The following HFM1 variants were observed in gnomAD, a reference collection of about 807,000 sequenced individuals.
The protein encoded by HFM1 is helicase for meiosis 1, also known as probable ATP-dependent DNA helicase HFM1.
In HFM1, 169 loss-of-function variants were observed where a neutral mutation model predicts 192.1. The observed-to-expected ratio is 0.88, with a 90% CI of 0.78 to 1.00. HFM1 has a LOEUF of 1.00. Among genes scored for constraint, HFM1 ranks in the 50% least tolerant of loss-of-function variants. The pLI is 0.00. For missense variants in HFM1, 1,661 were observed against 1,668.0 expected (o/e 1.00, Z 0.07); for synonymous variants, 525 against 537.8 (o/e 0.98, Z 0.33).
intron 13 of HFM1, among the ~76,000 whole-genome samples, chr1:91,371,228 T>C (rs200668297): frequency 7.0e-4 from 102 of 145,118 alleles, no homozygotes; most frequent in Middle Eastern, 3.5e-3. Flanking sequence ...CTTCACAGAA[T>C]TGGAAAAAAC....
intron 13 of HFM1, 111 bp from the exon 14 acceptor site, chr1:91,353,410 T>C: frequency 1.7e-6 from 1 of 577,304 alleles, no homozygotes; most frequent in Non-Finnish European, 3.0e-6. Flanking sequence ...CACAATATCA[T>C]TATCTGAAAA....
rs182410701 is a variant in HFM1 at position 91,332,436 on chromosome 1, T to C, written c.2336-7670A>G. 1.5e-3 allele frequency among the ~76,000 whole-genome samples: 227 copies of C among 152,244 alleles called. 1 individual carries two copies. Among genetic ancestry groups the C allele is most frequent in the African/African-American group, 4.5e-3 (186 of 41,562 alleles). The stretch of plus-strand genomic sequence containing the variant: ...TGAAACTAGACCCCCTATCTCTTGA[T>C]ATATATAAAAATCAAATCAAAATGG... On this transcript the variant is annotated intron_variant, in intron 20 of 38. Coordinates refer to ENST00000370425, the MANE Select transcript of HFM1 (RefSeq NM_001017975.6).
chr1:91,312,712 A>T (rs1009756761), intron 30 of HFM1, among the ~76,000 whole-genome samples: 1 of 152,088 alleles, frequency 6.6e-6, no homozygotes, highest in South Asian at 2.1e-4. Flanking sequence ...ACTGTTGGGA[A>T]GGTGTGATTG....
At chr1:91,282,634 G>C (rs1667562917) in intron 30 of HFM1, among the ~76,000 whole-genome samples, 1 of 152,100 alleles carries the variant, frequency 6.6e-6, no homozygotes, top group African/African-American at 2.4e-5. Flanking sequence ...GCAAATTTGA[G>C]ATTCTAATTC....
chr1:91,385,815 T>C lies in HFM1; in HGVS notation c.514A>G (p.Asn172Asp). The C allele has an allele frequency of 6.3e-7, 1 of 1,599,176 alleles. No homozygotes were observed. Among genetic ancestry groups the C allele is most frequent in the Non-Finnish European group, 8.5e-7 (1 of 1,171,694 alleles). The change falls in exon 5 of 39, where the codon AAT (asparagine) becomes GAT (aspartate). Residue 172 changes from asparagine (N) to aspartate (D), a missense_variant. Coordinates refer to ENST00000370425, the MANE Select transcript of HFM1 (RefSeq NM_001017975.6). ...FRKRLFKISD[N>D]IHGSAYSNDN... ...TTAGAATAAGCACTCCCATGTATAT[T>C]GTCAGATATTTTAAATAATCTGCAA...
intron 30 of HFM1, among the ~76,000 whole-genome samples, chr1:91,292,719 A>C (rs1385341827): frequency 6.6e-6 from 1 of 152,106 alleles, no homozygotes; most frequent in Non-Finnish European, 1.5e-5. Flanking sequence ...GTTCATATGG[A>C]ACAAAAAAAG....
chr1:91,374,428 T>C (rs1365525306), intron 13 of HFM1, among the ~76,000 whole-genome samples: 1 of 152,116 alleles, frequency 6.6e-6, no homozygotes, highest in African/African-American at 2.4e-5. Context: ...GTGTAGTGAT[T>C]AAAGAAAAGG....
chr1:91,347,570 C>A, intron 18 of HFM1, 94 bp from the exon 19 acceptor site: 1 of 643,012 alleles, frequency 1.6e-6, no homozygotes, highest in South Asian at 3.3e-5. Flanking sequence ...CTAATGAAAT[C>A]TTATATAAGA....
intron 30 of HFM1, among the ~76,000 whole-genome samples, chr1:91,306,753 G>T (rs1373228026): frequency 1.3e-5 from 2 of 151,716 alleles, no homozygotes; most frequent in South Asian, 2.1e-4. Context: ...AAAAGTTTAG[G>T]TAAGTTTGAT....
intron 2 of HFM1, among the ~76,000 whole-genome samples, chr1:91,398,752 G>A (rs1373642267): frequency 6.6e-6 from 1 of 151,728 alleles, no homozygotes; most frequent in African/African-American, 2.4e-5. Context: ...GAGTGCAGTG[G>A]CCAGATCTCA....
At chr1:91,332,583 C>CA (rs1241976605) in intron 20 of HFM1, among the ~76,000 whole-genome samples, 1 of 151,814 alleles carries the variant, frequency 6.6e-6, no homozygotes, top group Non-Finnish European at 1.5e-5. Flanking sequence ...GCACAGGCAA[C>CA]AAAAAATGGA....
At chr1:91,363,021 T>A (rs758005139) in intron 13 of HFM1, among the ~76,000 whole-genome samples, 1 of 152,050 alleles carries the variant, frequency 6.6e-6, no homozygotes, top group Non-Finnish European at 1.5e-5. Flanking sequence ...TACACAAGAA[T>A]TAACTCAAGA....
intron 25 of HFM1, among the ~76,000 whole-genome samples, chr1:91,317,704 C>T (rs1321501814): frequency 6.6e-6 from 1 of 152,154 alleles, no homozygotes; most frequent in East Asian, 1.9e-4. Flanking sequence ...GACTCAGCTT[C>T]TAGTATTCAT....
chr1:91,262,469 G>T lies in HFM1; in HGVS notation c.4086+12C>A. 6.4e-7 allele frequency: 1 copy of T among 1,563,578 alleles called. No homozygotes were observed. The highest frequency in any genetic ancestry group is 8.8e-7 in the Non-Finnish European group (1 of 1,139,474). On this transcript the variant is annotated intron_variant, in intron 37 of 38. Coordinates refer to ENST00000370425, the MANE Select transcript of HFM1 (RefSeq NM_001017975.6). ...AAATTTAAAAGAAAAACAAAGAAGT[G>T]CTTCTTCTTACAATAACTGCATTTC... is the stretch of plus-strand genomic sequence containing the variant.
chr1:91,366,012 A>C (rs1659260555), intron 13 of HFM1, among the ~76,000 whole-genome samples: 1 of 151,924 alleles, frequency 6.6e-6, no homozygotes, highest in South Asian at 2.1e-4. Flanking sequence ...AAGAAAAAAT[A>C]AGGGGCAAAG....
chr1:91,343,485 A>G lies in HFM1; in HGVS notation c.2280T>C (p.Asp760=). ...TCTTTATTAAGTCCAGGGATGATAA[A>G]TCATTCAGATTCTTCAAACATAATT... is the stretch of plus-strand genomic sequence containing the variant. The part of the protein sequence containing the change: ...LQELCLKNLN[D]LSSLDLIKMD... Residue 760 remains aspartate, a synonymous_variant, in exon 20 of 39, where the codon GAT becomes GAC. Transcript: ENST00000370425. The G allele has an allele frequency of 7.0e-7, 1 of 1,419,688 alleles. No individual in the cohort carries two copies. Among genetic ancestry groups the G allele is most frequent in the Non-Finnish European group, 9.7e-7 (1 of 1,032,516 alleles). The allele number at this position is 1,419,688 out of a possible 1,614,324, so 87.9% of individuals were successfully genotyped here. A position where few individuals can be genotyped will look rare whatever the true frequency, so the allele number is the denominator to read the frequency against.
chr1:91,324,606 T>C (rs962716045), intron 21 of HFM1, 69 bp downstream of exon 21: 40 of 729,974 alleles, frequency 5.5e-5, no homozygotes, highest in Admixed American at 4.1e-4. Flanking sequence ...ATACACAAAT[T>C]AGTTGTTTCT....
At chr1:91,306,122 T>C (rs553886558) in intron 30 of HFM1, among the ~76,000 whole-genome samples, 86 of 152,160 alleles carry the variant, frequency 5.7e-4, no homozygotes, top group Non-Finnish European at 8.7e-4. Context: ...TTACCTGAGG[T>C]TGGGAGTTCA....
intron 20 of HFM1, among the ~76,000 whole-genome samples, chr1:91,341,805 G>T (rs539012386): frequency 1.3e-5 from 2 of 151,380 alleles, no homozygotes; most frequent in Middle Eastern, 6.8e-3. Context: ...AAACTGTTAT[G>T]AACACCTTTA....
Sources: gnomAD v4.1 joint callset for allele counts (sites outside exome capture counted in the v4.1 genomes callset) on GRCh38, gnomAD v4.1.1 for gene constraint, MANE v1.5 for transcripts, NCBI Gene and HGNC (gene_info 2026-07-23, HGNC 2026-07-21) for gene names.